Variants in OR5H1 observed in about 807,000 individuals in gnomAD.
The protein encoded by OR5H1 is olfactory receptor family 5 subfamily H member 1.
For missense variants in OR5H1, 378 were observed against 366.8 expected, an observed-to-expected ratio of 1.03 and a Z score of -0.25; for synonymous variants, 124 against 134.4, an observed-to-expected ratio of 0.92 and a Z score of 0.54.
chr3:98,133,934 A>G lies in OR5H1; in HGVS notation c.*295A>G, dbSNP rs573093978. ...AATGCATTAATTGCTAAAATAGCCT[A>G]GTTTATCATATAAGGACTTGAGTAT... On this transcript the variant is annotated 3_prime_UTR_variant, in exon 2 of 2. Coordinates refer to ENST00000641874, the MANE Select transcript of OR5H1 (RefSeq NM_001005338.2). 6 of 284,550 alleles carry G rather than the reference A, an allele frequency of 2.1e-5. No homozygotes were observed. The highest frequency in any genetic ancestry group is 1.1e-4 in the African/African-American group (5 of 44,874). 17.6% of individuals were successfully genotyped at this position (284,550 alleles called of 1,614,324 possible).
rs138973744 is a variant in OR5H1, at chr3:98,133,492, G to T, written c.795G>T (p.Pro265=). The change falls in exon 2 of 2, where the codon CCG becomes CCT. Residue 265 remains proline, a synonymous_variant. Transcript: ENST00000641874. ...TCATTTATGTGGGCCCTGCATCTCCGCAAGCAGATGATCAAGATATGGTGG... is the reference window on the plus strand; with the variant it reads ...TCATTTATGTGGGCCCTGCATCTCCTCAAGCAGATGATCAAGATATGGTGG... The part of the protein sequence containing the change: ...LLFIYVGPAS[P]QADDQDMVEP... 2 of 1,613,304 alleles carry T rather than the reference G, an allele frequency of 1.2e-6. No homozygotes were observed. The highest frequency in any genetic ancestry group is 1.7e-6 in the Non-Finnish European group (2 of 1,179,570).
chr3:98,134,712 C>A lies in OR5H1; in HGVS notation c.*1073C>A, dbSNP rs1708300208. The stretch of plus-strand genomic sequence containing the variant: ...GTTAATCATCTTTCTACCAGTCCAC[C>A]CTCTCCTTCATCTTTCAATACTGAA... On this transcript the variant is annotated 3_prime_UTR_variant, in exon 2 of 2. Coordinates refer to ENST00000641874, the MANE Select transcript of OR5H1 (RefSeq NM_001005338.2). 1 of 151,718 alleles carries A rather than the reference C, an allele frequency of 6.6e-6. No homozygotes were observed. The highest frequency in any genetic ancestry group is 1.5e-5 in the Non-Finnish European group (1 of 67,896). 9.4% of individuals were successfully genotyped at this position (151,718 alleles called of 1,614,324 possible).
In OR5H1 at chr3:98,133,226, A is replaced by G. The variant is rs750693349; in HGVS notation, c.529A>G (p.Ile177Val). The G allele has an allele frequency of 2.5e-6, 4 of 1,612,718 alleles. No individual in the cohort carries two copies. The highest frequency in any genetic ancestry group is 3.3e-5 in the Admixed American group (2 of 59,840). The change falls in exon 2 of 2, where the codon ATT becomes GTT. Residue 177 changes from isoleucine (I) to valine (V), a missense_variant. Physicochemically the swap from Ile to Val is conservative, Grantham distance 29. Coordinates refer to ENST00000641874, the MANE Select transcript of OR5H1 (RefSeq NM_001005338.2). ...CTGTAACTCCAACATAGTACATCAC[A>G]TTTACTGTGACACTATCCCATTGTC... ...TFCNSNIVHH[I>V]YCDTIPLSKI...
chr3:98,133,076 T>C lies in OR5H1; in HGVS notation c.379T>C (p.Cys127Arg). The change falls in exon 2 of 2, where the codon TGC (cysteine) becomes CGC (arginine). Residue 127 changes from cysteine to arginine, a missense_variant. Physicochemically the swap from Cys to Arg is radical, Grantham distance 180 (BLOSUM62 -3). Coordinates refer to ENST00000641874, the MANE Select transcript of OR5H1 (RefSeq NM_001005338.2). ...GGCATATGATCGCTATGTAGCCATA[T>C]GCAAACCTTTACTTTATCCAGCCAT... ...TMAYDRYVAI[C>R]KPLLYPAIMT... 6.2e-7 allele frequency: 1 copy of C among 1,613,672 alleles called. No homozygotes were observed. The highest frequency in any genetic ancestry group is 1.1e-5 in the South Asian group (1 of 91,074).
rs1261742660 is a variant in OR5H1, at chr3:98,137,357, G to T, written c.*3718G>T. ...TCAGAGCCTTTTCCGCAAATCTGTT[G>T]AGATTAGACAGATACTTTGCATACA... On this transcript the variant is annotated 3_prime_UTR_variant, in exon 2 of 2. Coordinates refer to ENST00000641874, the MANE Select transcript of OR5H1 (RefSeq NM_001005338.2). 6.6e-6 allele frequency: 1 copy of T among 152,158 alleles called. No homozygotes were observed. Among genetic ancestry groups the T allele is most frequent in the African/African-American group, 2.4e-5 (1 of 41,440 alleles). 9.4% of individuals were successfully genotyped at this position (152,158 alleles called of 1,614,324 possible).
intron 1 of OR5H1, 40 bp from the exon 2 acceptor site, chr3:98,132,640 A>G: frequency 1.3e-6 from 2 of 1,593,718 alleles, no homozygotes. Context: ...TGATAATGCC[A>G]TTGCAAATGT....
chr3:98,133,838 A>G lies in OR5H1; in HGVS notation c.*199A>G. 2.0e-6 allele frequency: 1 copy of G among 505,686 alleles called. No individual in the cohort carries two copies. Among genetic ancestry groups the G allele is most frequent in the Non-Finnish European group, 3.5e-6 (1 of 283,850 alleles). The allele number at this position is 505,686 out of a possible 1,614,324, so 31.3% of individuals were successfully genotyped here. ...TCAAGAAATTTTCATACTGTTCATA[A>G]TAGAATAATGACTGTAGAAATCAAA... is the stretch of plus-strand genomic sequence containing the variant. On this transcript the variant is annotated 3_prime_UTR_variant, in exon 2 of 2. Transcript: ENST00000641874.
In OR5H1 at chr3:98,133,023, C is replaced by T. The variant is rs998213867; in HGVS notation, c.326C>T (p.Thr109Ile). 6.2e-7 allele frequency: 1 copy of T among 1,613,556 alleles called. No homozygotes were observed. Among genetic ancestry groups the T allele is most frequent in the East Asian group, 2.2e-5 (1 of 44,856 alleles). Residue 109 changes from threonine (T) to isoleucine (I), a missense_variant, in exon 2 of 2, where the codon ACC becomes ATC. Thr to Ile is a moderately conservative substitution (Grantham distance 89, BLOSUM62 -1). Transcript: ENST00000641874. ...IQFFSFAISV[T>I]TECFLLATMA... ...TTTTTTTCGTTTGCAATCAGTGTAA[C>T]CACGGAATGTTTTCTCTTGGCAACG...
chr3:98,132,512 A>AT (rs1472855712), intron 1 of OR5H1, among the ~76,000 whole-genome samples, 168 bp from the exon 2 acceptor site: 13 of 151,880 alleles, frequency 8.6e-5, no homozygotes, highest in Non-Finnish European at 1.6e-4. Flanking sequence ...AAAATATATC[A>AT]TTTTTTCATG....
rs1240331685 is a variant in OR5H1, at chr3:98,138,160, G to C, written c.*4521G>C. 1 of 152,106 alleles carries C rather than the reference G, an allele frequency of 6.6e-6. No homozygotes were observed. 9.4% of individuals were successfully genotyped at this position (152,106 alleles called of 1,614,324 possible). ...CTTTTAAGGGCTCACAACTCTAAGG[G>C]GGTCCGCGTGAGAGGGTCGTGATCG... is the stretch of plus-strand genomic sequence containing the variant. On this transcript the variant is annotated 3_prime_UTR_variant, in exon 2 of 2. Transcript: ENST00000641874.
Position 98,130,856 on chromosome 3 carries a change from G to C in OR5H1, c.-19+6G>C, listed in dbSNP as rs1480276237. On this transcript the variant is annotated splice_donor_region_variant and intron_variant, in intron 1 of 1. Coordinates refer to ENST00000641874, the MANE Select transcript of OR5H1 (RefSeq NM_001005338.2). ...CAATTTCCTTCAATATATGGGTAAGGAAGAAATAACTTCTCTAATTTTTAT... is the reference window on the plus strand; with the variant it reads ...CAATTTCCTTCAATATATGGGTAAGCAAGAAATAACTTCTCTAATTTTTAT... The C allele has an allele frequency of 6.6e-6, 1 of 152,088 alleles. No individual in the cohort carries two copies. Among genetic ancestry groups the C allele is most frequent in the Admixed American group, 6.6e-5 (1 of 15,250 alleles). The allele number at this position is 152,088 out of a possible 1,614,324, so 9.4% of individuals were successfully genotyped here. A position where few individuals can be genotyped will look rare whatever the true frequency, so the allele number is the denominator to read the frequency against.
rs1196794383 is a variant in OR5H1, at chr3:98,137,002, A to G, written c.*3363A>G. 2.0e-5 allele frequency: 3 copies of G among 152,224 alleles called. No individual in the cohort carries two copies. Among genetic ancestry groups the G allele is most frequent in the Non-Finnish European group, 4.4e-5 (3 of 68,026 alleles). The allele number at this position is 152,224 out of a possible 1,614,324, so 9.4% of individuals were successfully genotyped here. On this transcript the variant is annotated 3_prime_UTR_variant, in exon 2 of 2. Transcript: ENST00000641874. ...AGGCAGGGCTTAATTGGATGCATAAAGTCAATTCTTAGTTTCTTAAAATTC... is the reference window on the plus strand; with the variant it reads ...AGGCAGGGCTTAATTGGATGCATAAGGTCAATTCTTAGTTTCTTAAAATTC...
At position 98,132,994 on chromosome 3, in the gene OR5H1, A is replaced by G. The variant is rs1708273603; in HGVS notation, c.297A>G (p.Ile99Met). The G allele has an allele frequency of 3.1e-6, 5 of 1,613,606 alleles. No homozygotes were observed. Among genetic ancestry groups the G allele is most frequent in the Non-Finnish European group, 4.2e-6 (5 of 1,179,626 alleles). Residue 99 changes from isoleucine (I) to methionine (M), a missense_variant, in exon 2 of 2, where the codon ATA becomes ATG. Coordinates refer to ENST00000641874, the MANE Select transcript of OR5H1 (RefSeq NM_001005338.2). Reference sequence around the variant, plus strand: ...TGATATCTCTCTCTGAATGCAAGATACAGTTTTTTTCGTTTGCAATCAGTG... The same window carrying G: ...TGATATCTCTCTCTGAATGCAAGATGCAGTTTTTTTCGTTTGCAATCAGTG... ...SKMISLSECK[I>M]QFFSFAISVT...
Position 98,133,406 on chromosome 3 carries a change from G to A in OR5H1, c.709G>A (p.Ala237Thr), listed in dbSNP as rs1400687702. 3 of 1,613,016 alleles carry A rather than the reference G, an allele frequency of 1.9e-6. No homozygotes were observed. The highest frequency in any genetic ancestry group is 2.5e-6 in the Non-Finnish European group (3 of 1,179,432). ...GAAATCTGATAAAGGTGTAAGGAAAGCCTTTTCCACCTGTGGAGCCCATCT... is the reference window on the plus strand; with the variant it reads ...GAAATCTGATAAAGGTGTAAGGAAAACCTTTTCCACCTGTGGAGCCCATCT... ...KKKSDKGVRK[A>T]FSTCGAHLFS... Residue 237 changes from alanine to threonine, a missense_variant, in exon 2 of 2, where the codon GCC (alanine) becomes ACC (threonine). Transcript: ENST00000641874.
In OR5H1 at chr3:98,134,770, G is replaced by T. The variant is rs1449673729; in HGVS notation, c.*1131G>T. 1.3e-5 allele frequency: 2 copies of T among 151,808 alleles called. No individual in the cohort carries two copies. The highest frequency in any genetic ancestry group is 4.8e-5 in the African/African-American group (2 of 41,334). 9.4% of individuals were successfully genotyped at this position (151,808 alleles called of 1,614,324 possible). The stretch of plus-strand genomic sequence containing the variant: ...TCACATTCTCACTGATACTATTGAG[G>T]TCCCTAGCATAAAAACTACTCACAT... On this transcript the variant is annotated 3_prime_UTR_variant, in exon 2 of 2. Transcript: ENST00000641874.
Position 98,138,327 on chromosome 3 carries a change from G to T in OR5H1, c.*4688G>T, listed in dbSNP as rs1336239608. ...AACAACAGTTGCTAGGTGAGGGGTC[G>T]AATTTTAACAACCAGGCTTAGGTCA... is the stretch of plus-strand genomic sequence containing the variant. On this transcript the variant is annotated 3_prime_UTR_variant, in exon 2 of 2. Coordinates refer to ENST00000641874, the MANE Select transcript of OR5H1 (RefSeq NM_001005338.2). The T allele has an allele frequency of 6.6e-6, 1 of 152,292 alleles. No homozygotes were observed. The highest frequency in any genetic ancestry group is 1.9e-4 in the East Asian group (1 of 5,174). 9.4% of individuals were successfully genotyped at this position (152,292 alleles called of 1,614,324 possible). A position where few individuals can be genotyped will look rare whatever the true frequency, so the allele number is the denominator to read the frequency against.
chr3:98,133,748 A>G lies in OR5H1; in HGVS notation c.*109A>G, dbSNP rs1226246060. On this transcript the variant is annotated 3_prime_UTR_variant, in exon 2 of 2. Coordinates refer to ENST00000641874, the MANE Select transcript of OR5H1 (RefSeq NM_001005338.2). ...GCAAGTACAACTGTTCTAGCACTTT[A>G]GTGAGCTAATGTTTTAGTACCTAAT... is the stretch of plus-strand genomic sequence containing the variant. 1.2e-6 allele frequency: 1 copy of G among 830,582 alleles called. No individual in the cohort carries two copies. Among genetic ancestry groups the G allele is most frequent in the Non-Finnish European group, 1.9e-6 (1 of 518,776 alleles). The allele number at this position is 830,582 out of a possible 1,614,324, so 51.5% of individuals were successfully genotyped here. A position where few individuals can be genotyped will look rare whatever the true frequency, so the allele number is the denominator to read the frequency against.
In OR5H1 at chr3:98,135,178, AG is replaced by A. The variant is rs970857602; in HGVS notation, c.*1541del. On this transcript the variant is annotated 3_prime_UTR_variant, in exon 2 of 2. Coordinates refer to ENST00000641874, the MANE Select transcript of OR5H1 (RefSeq NM_001005338.2). Reference sequence around the variant, plus strand: ...CCTGAAGGTGCAAGAGAGGAGATAAAGGCTTTTACAGGGCAAATGTGAAAGT... The same window carrying A: ...CCTGAAGGTGCAAGAGAGGAGATAAAGCTTTTACAGGGCAAATGTGAAAGT... 2.6e-5 allele frequency: 4 copies of A among 152,146 alleles called. No individual in the cohort carries two copies. The highest frequency in any genetic ancestry group is 4.8e-5 in the African/African-American group (2 of 41,456). The allele number at this position is 152,146 out of a possible 1,614,324, so 9.4% of individuals were successfully genotyped here.
rs1031211535 is a variant in OR5H1, at chr3:98,135,787, G to A, written c.*2148G>A. On this transcript the variant is annotated 3_prime_UTR_variant, in exon 2 of 2. Coordinates refer to ENST00000641874, the MANE Select transcript of OR5H1 (RefSeq NM_001005338.2). ...ATAAACCAAATGAAAATAATAAAAG[G>A]TTAATGGTTAAAACTACCTATAAGC... 3.3e-5 allele frequency: 5 copies of A among 152,156 alleles called. No homozygotes were observed. The highest frequency in any genetic ancestry group is 1.2e-4 in the African/African-American group (5 of 41,432). The allele number at this position is 152,156 out of a possible 1,614,324, so 9.4% of individuals were successfully genotyped here.
Sources: allele counts gnomAD v4.1 joint callset (sites outside exome capture counted in the v4.1 genomes callset), GRCh38; gene constraint gnomAD v4.1.1; transcripts MANE v1.5; gene names NCBI Gene and HGNC (gene_info 2026-07-23, HGNC 2026-07-21).